The following PHLPP2 variants were observed in gnomAD, a reference collection of about 807,000 sequenced individuals.
PHLPP2 encodes PH domain leucine-rich repeat-containing protein phosphatase 2.
In PHLPP2, 66 loss-of-function variants were observed where a neutral mutation model predicts 124.9. The observed-to-expected ratio is 0.53, with a 90% CI of 0.43 to 0.65. The LOEUF (loss-of-function observed/expected upper bound fraction) is 0.65, where lower values mean the gene tolerates loss of function less well. Among genes scored for constraint, PHLPP2 ranks in the 30% least tolerant of loss-of-function variants. PHLPP2 has a pLI of 0.00. For synonymous variants in PHLPP2, 681 were observed against 624.7 expected (o/e 1.09, Z -1.34); for missense variants, 1,685 against 1,600.4 (o/e 1.05, Z -0.90).
intron 9 of PHLPP2, among the ~76,000 whole-genome samples, chr16:71,672,557 C>A (rs1201575134): frequency 6.6e-6 from 1 of 152,218 alleles, no homozygotes; most frequent in African/African-American, 2.4e-5. Flanking sequence ...TGCCTTTATA[C>A]AATATTAAGC....
At chr16:71,659,891 T>C (rs2044773730) in intron 13 of PHLPP2, among the ~76,000 whole-genome samples, 1 of 152,196 alleles carries the variant, frequency 6.6e-6, no homozygotes. Context: ...ACTTTTATCA[T>C]TTTGCTGAAT....
intron 3 of PHLPP2, among the ~76,000 whole-genome samples, chr16:71,691,259 C>G (rs773806474): frequency 4.6e-5 from 7 of 152,064 alleles, no homozygotes; most frequent in Non-Finnish European, 1.0e-4. Flanking sequence ...TCGAGACCAT[C>G]CTGGCTAGCA....
At chr16:71,681,239 T>C (rs1473772591) in intron 6 of PHLPP2, among the ~76,000 whole-genome samples, 1 of 152,060 alleles carries the variant, frequency 6.6e-6, no homozygotes. Flanking sequence ...GGGTATATAT[T>C]TTAATAAAGG....
rs34708544 is a variant in PHLPP2, at chr16:71,661,067, C to CTT, written c.1986-2254_1986-2253dup. ...TTGTGATGTTAATTCTTGTCTTTGT[C>CTT]TTTTTTTTTTTTTTTTTGAGATAGG... On this transcript the variant is annotated intron_variant, in intron 13 of 18. Coordinates refer to ENST00000568954, the MANE Select transcript of PHLPP2 (RefSeq NM_015020.3). 6.0e-3 allele frequency among the ~76,000 whole-genome samples: 789 copies of CTT among 132,294 alleles called. 11 individuals carry two copies. Among genetic ancestry groups the CTT allele is most frequent in the African/African-American group, 0.021 (751 of 35,848 alleles). The allele number at this position is 132,294 out of a possible 152,430, so 86.8% of individuals were successfully genotyped here.
intron 5 of PHLPP2, among the ~76,000 whole-genome samples, chr16:71,682,218 G>GTTT (rs537663645): frequency 7.4e-6 from 1 of 134,694 alleles, no homozygotes; most frequent in Non-Finnish European, 1.6e-5. Flanking sequence ...TTGTTTTTGG[G>GTTT]TTTTTTTTTT....
At chr16:71,664,308 A>T (rs566760073) in intron 12 of PHLPP2, 1 of 588,252 alleles carries the variant, frequency 1.7e-6, no homozygotes, top group East Asian at 2.8e-5. Flanking sequence ...GTAGAGAGGA[A>T]AAAGTACAAG....
chr16:71,650,519 G>C (rs933087381), intron 18 of PHLPP2, among the ~76,000 whole-genome samples: 2 of 152,154 alleles, frequency 1.3e-5, no homozygotes, highest in Admixed American at 1.3e-4. Context: ...TAATCTCTAA[G>C]GTTATTCAGC....
chr16:71,702,089 TATAGTG>T (rs933406063), intron 3 of PHLPP2, among the ~76,000 whole-genome samples: 4 of 152,192 alleles, frequency 2.6e-5, no homozygotes, highest in African/African-American at 9.7e-5. Context: ...TTTTAACTAT[TATAGTG>T]ATAGATGGGT....
chr16:71,711,783 ACTAT>A (rs536254187), intron 2 of PHLPP2, among the ~76,000 whole-genome samples: 40 of 152,364 alleles, frequency 2.6e-4, no homozygotes, highest in Non-Finnish European at 2.9e-5. Flanking sequence ...TAGATTGTCA[ACTAT>A]CTGACAAAGG....
In PHLPP2 at chr16:71,711,934, C is replaced by T. The variant is rs550396760; in HGVS notation, c.284+2578G>A. 4.6e-5 allele frequency among the ~76,000 whole-genome samples: 7 copies of T among 152,342 alleles called. No homozygotes were observed. In the South Asian group the frequency reaches 1.5e-3, roughly 32 times the overall value. ...TGAAACTGAGGAAGTGTCACTGCTG[C>T]GCCAGTTCCTGTCACAGCTGGCCTT... On this transcript the variant is annotated intron_variant, in intron 2 of 18. Coordinates refer to ENST00000568954, the MANE Select transcript of PHLPP2 (RefSeq NM_015020.3).
At chr16:71,717,051 A>C (rs909797417) in intron 1 of PHLPP2, among the ~76,000 whole-genome samples, 4 of 152,216 alleles carry the variant, frequency 2.6e-5, no homozygotes, top group Non-Finnish European at 5.9e-5. Context: ...TCTGTACCTT[A>C]GTCCAATTAG....
At chr16:71,697,172 C>CAATAAATA (rs71389694) in intron 3 of PHLPP2, among the ~76,000 whole-genome samples, 3,002 of 124,044 alleles carry the variant, frequency 0.024, 73 homozygotes, top group African/African-American at 0.062. Flanking sequence ...GACTCTGTCT[C>CAATAAATA]AATAAATAAA....
intron 10 of PHLPP2, among the ~76,000 whole-genome samples, chr16:71,671,871 G>A (rs12924631): frequency 0.26 from 39,559 of 151,912 alleles, 5,356 homozygotes; most frequent in Non-Finnish European, 0.3. Context: ...CCGAGATCAC[G>A]CCACTGCACT....
intron 15 of PHLPP2, among the ~76,000 whole-genome samples, chr16:71,657,392 C>CT (rs983609014): frequency 0.011 from 1,488 of 141,178 alleles, 16 homozygotes; most frequent in African/African-American, 0.034. Flanking sequence ...ATAATATTAT[C>CT]TTTTTTTTTT....
intron 3 of PHLPP2, among the ~76,000 whole-genome samples, chr16:71,695,035 T>C (rs1311908582): frequency 1.3e-5 from 2 of 152,136 alleles, no homozygotes; most frequent in Non-Finnish European, 2.9e-5. Context: ...TCCGCCCGTC[T>C]TGGCATCCCA....
At chr16:71,703,643 G>A (rs1387875274) in intron 2 of PHLPP2, among the ~76,000 whole-genome samples, 2 of 152,168 alleles carry the variant, frequency 1.3e-5, no homozygotes, top group Non-Finnish European at 2.9e-5. Flanking sequence ...GGCTCCAACA[G>A]TCAACTGCCT....
chr16:71,654,151 C>T (rs1015440279), intron 17 of PHLPP2, among the ~76,000 whole-genome samples: 2 of 141,674 alleles, frequency 1.4e-5, no homozygotes, highest in African/African-American at 5.1e-5. Context: ...GCCGAGATTG[C>T]ACTACTGCAC....
At chr16:71,666,591 G>A (rs974509505) in intron 12 of PHLPP2, among the ~76,000 whole-genome samples, 2 of 152,176 alleles carry the variant, frequency 1.3e-5, no homozygotes, top group Non-Finnish European at 2.9e-5. Flanking sequence ...TAAAGGTGAT[G>A]TACACATTAG....
At chr16:71,664,725 C>A (rs1374194740) in intron 12 of PHLPP2, among the ~76,000 whole-genome samples, 1 of 152,078 alleles carries the variant, frequency 6.6e-6, no homozygotes, top group African/African-American at 2.4e-5. Context: ...GCACTCCAGC[C>A]TGGCAACAGA....
Sources: allele counts gnomAD v4.1 joint callset (sites outside exome capture counted in the v4.1 genomes callset), GRCh38; gene constraint gnomAD v4.1.1; transcripts MANE v1.5; gene names NCBI Gene and HGNC (gene_info 2026-07-23, HGNC 2026-07-21).